NUP98: variants seen among roughly 807,000 people sequenced by gnomAD.
NUP98 encodes the protein nucleoporin 98 and 96 precursor.
In NUP98, 26 loss-of-function variants were observed where a neutral mutation model predicts 191.9. The ratio of observed to expected loss-of-function variants is 0.14; its 90% CI spans 0.10 to 0.19. The LOEUF (loss-of-function observed/expected upper bound fraction) is 0.19, where lower values mean the gene tolerates loss of function less well. Among genes scored for constraint, NUP98 ranks in the 10% least tolerant of loss-of-function variants. The pLI is 1.00. For synonymous variants in NUP98, 808 were observed against 778.4 expected, an observed-to-expected ratio of 1.04 and a Z score of -0.63; for missense variants, 1,941 against 2,178.8, an observed-to-expected ratio of 0.89 and a Z score of 2.17.
At chr11:3,792,998 C>G (rs944873755) in intron 1 of NUP98, among the ~76,000 whole-genome samples, 3 of 152,224 alleles carry the variant, frequency 2.0e-5, no homozygotes, top group South Asian at 2.1e-4. Flanking sequence ...GTAGTCCCAG[C>G]AACTCAGGAG....
At chr11:3,740,880 G>A (rs1209921926) in intron 12 of NUP98, among the ~76,000 whole-genome samples, 1 of 151,318 alleles carries the variant, frequency 6.6e-6, no homozygotes, top group African/African-American at 2.4e-5. Context: ...GTGTAGCGGC[G>A]TGACGTCGGC....
At chr11:3,748,518 C>T (rs1257556953) in intron 11 of NUP98, among the ~76,000 whole-genome samples, 1 of 152,048 alleles carries the variant, frequency 6.6e-6, no homozygotes, top group African/African-American at 2.4e-5. Flanking sequence ...AAGAGTCCAT[C>T]TTGGAAAAAA....
intron 1 of NUP98, among the ~76,000 whole-genome samples, chr11:3,789,592 T>A (rs1374979462): frequency 6.7e-6 from 1 of 148,710 alleles, no homozygotes; most frequent in Non-Finnish European, 1.5e-5. Flanking sequence ...CATGGCTCAC[T>A]GCAGCCTGGA....
intron 11 of NUP98, among the ~76,000 whole-genome samples, chr11:3,752,833 G>T (rs1036110099): frequency 6.6e-6 from 1 of 152,198 alleles, no homozygotes; most frequent in African/African-American, 2.4e-5. Context: ...CTGAAAAATA[G>T]TTGTTAACAG....
At chr11:3,785,706 T>C (rs1049994413) in intron 1 of NUP98, among the ~76,000 whole-genome samples, 1 of 151,852 alleles carries the variant, frequency 6.6e-6, no homozygotes, top group Non-Finnish European at 1.5e-5. Context: ...TTGCAGTTAG[T>C]TGAGATCGTG....
At chr11:3,793,976 T>A (rs1189066388) in intron 1 of NUP98, among the ~76,000 whole-genome samples, 3 of 151,844 alleles carry the variant, frequency 2.0e-5, no homozygotes, top group Admixed American at 6.6e-5. Flanking sequence ...TCTCAAAAAA[T>A]AAATAAATAA....
At position 3,700,785 on chromosome 11, in the gene NUP98, T is replaced by C; in HGVS notation, c.3567A>G (p.Arg1189=). The C allele has an allele frequency of 6.2e-7, 1 of 1,614,198 alleles. No individual in the cohort carries two copies. Among genetic ancestry groups the C allele is most frequent in the African/African-American group, 1.3e-5 (1 of 75,062 alleles). The change falls in exon 24 of 33, where the codon AGA becomes AGG. Residue 1189 remains arginine, a synonymous_variant. Transcript: ENST00000324932. The stretch of plus-strand genomic sequence containing the variant: ...ATAATTTCATGTCTTCATCTGGCTT[T>C]CTTTGTCTCAAACTGAGTTTTTCTA... The part of the protein sequence containing the change: ...VHLEKLSLRQ[R]KPDEDMKLYQ...
At chr11:3,789,466 C>T (rs2082259049) in intron 1 of NUP98, among the ~76,000 whole-genome samples, 1 of 151,474 alleles carries the variant, frequency 6.6e-6, no homozygotes, top group Non-Finnish European at 1.5e-5. Context: ...TCCCAACTAT[C>T]CATCTTTTTA....
At position 3,707,738 on chromosome 11, in the gene NUP98, C is replaced by CAAAA. The variant is rs560101220; in HGVS notation, c.2743-1115_2743-1112dup. On this transcript the variant is annotated intron_variant, in intron 20 of 32. Transcript: ENST00000324932. ...TGGGCAACAGAATGAGACTCTGTCT[C>CAAAA]AAAAAAAAAAAAAAAATCCTGAAGG... Among the ~76,000 whole-genome samples the CAAAA allele has an allele frequency of 2.1e-4, 10 of 48,570 alleles. 1 individual carries two copies. The highest frequency in any genetic ancestry group is 1.2e-3 in the East Asian group (1 of 806). The allele number at this position is 48,570 out of a possible 152,430, so 31.9% of individuals were successfully genotyped here.
intron 1 of NUP98, among the ~76,000 whole-genome samples, chr11:3,784,142 A>T (rs773962397): frequency 6.6e-6 from 1 of 152,034 alleles, no homozygotes; most frequent in Non-Finnish European, 1.5e-5. Context: ...CTTCTAGGAA[A>T]CTCAGGCCGT....
intron 9 of NUP98, 116 bp downstream of exon 9, chr11:3,762,786 C>T: frequency 9.9e-7 from 1 of 1,011,940 alleles, no homozygotes; most frequent in Non-Finnish European, 1.4e-6. Flanking sequence ...TCATATTAGG[C>T]TGGTGCAATA....
chr11:3,732,941 T>A (rs961356802), intron 13 of NUP98, among the ~76,000 whole-genome samples: 3 of 152,200 alleles, frequency 2.0e-5, no homozygotes, highest in African/African-American at 4.8e-5. Context: ...GCCCTACATA[T>A]CCATACAAAA....
At chr11:3,780,381 A>T (rs1311943108) in intron 2 of NUP98, among the ~76,000 whole-genome samples, 7 of 150,514 alleles carry the variant, frequency 4.7e-5, no homozygotes, top group East Asian at 3.9e-4. Context: ...ATAAAAAAAA[A>T]AAAAAAAAAA....
chr11:3,691,338 C>A lies in NUP98; in HGVS notation c.4454+9G>T. 1 of 1,614,046 alleles carries A rather than the reference C, an allele frequency of 6.2e-7. No homozygotes were observed. Among genetic ancestry groups the A allele is most frequent in the African/African-American group, 1.3e-5 (1 of 75,026 alleles). ...ACTCAAGTGACAATAAAGCCTGGCT[C>A]TCATTTACCTGTCACTGTAGAGTTT... is the stretch of plus-strand genomic sequence containing the variant. On this transcript the variant is annotated intron_variant, in intron 28 of 32. Transcript: ENST00000324932.
Position 3,776,071 on chromosome 11 carries a change from T to C in NUP98, c.356-50A>G, listed in dbSNP as rs370059435. ...ACGATAACAGTAAGAAATTTAAGAATGTATAAGATGCATTGGAATTGGGCT... is the reference window on the plus strand; with the variant it reads ...ACGATAACAGTAAGAAATTTAAGAACGTATAAGATGCATTGGAATTGGGCT... On this transcript the variant is annotated intron_variant, in intron 4 of 32. Coordinates refer to ENST00000324932, the MANE Select transcript of NUP98 (RefSeq NM_016320.5). 1.9e-5 allele frequency: 27 copies of C among 1,432,866 alleles called. No homozygotes were observed. The Admixed American group carries it at 2.5e-4, about 13-fold the overall frequency. 88.8% of individuals were successfully genotyped at this position (1,432,866 alleles called of 1,614,324 possible).
At chr11:3,744,476 T>G in intron 12 of NUP98, 33 bp downstream of exon 12, 3 of 1,570,094 alleles carry the variant, frequency 1.9e-6, no homozygotes, top group Non-Finnish European at 2.6e-6. Context: ...AGCAAAAAAT[T>G]AAGAAAAGCC....
chr11:3,697,479 A>G (rs1352645497), intron 25 of NUP98, among the ~76,000 whole-genome samples: 1 of 152,136 alleles, frequency 6.6e-6, no homozygotes, highest in Admixed American at 6.6e-5. Flanking sequence ...ATCTGATCAT[A>G]TTAGATTAAG....
Position 3,753,310 on chromosome 11 carries a change from T to C in NUP98, c.1267+6A>G. Reference sequence around the variant, plus strand: ...CTTCCTAGATCTCATGGTAGCAGTTTCTTACCTGTTCCAAATCCTGCACCA... The same window carrying C: ...CTTCCTAGATCTCATGGTAGCAGTTCCTTACCTGTTCCAAATCCTGCACCA... On this transcript the variant is annotated splice_donor_region_variant and intron_variant, in intron 11 of 32. Coordinates refer to ENST00000324932, the MANE Select transcript of NUP98 (RefSeq NM_016320.5). 3 of 1,611,644 alleles carry C rather than the reference T, an allele frequency of 1.9e-6. No homozygotes were observed. The highest frequency in any genetic ancestry group is 2.5e-6 in the Non-Finnish European group (3 of 1,177,818).
chr11:3,719,593 G>A (rs908486904), intron 17 of NUP98, 43 bp from the exon 18 acceptor site: 2 of 1,385,148 alleles, frequency 1.4e-6, no homozygotes, highest in African/African-American at 1.5e-5. Context: ...TCTGTATGAA[G>A]GCAAATACCT....
Sources: allele counts gnomAD v4.1 joint callset (sites outside exome capture counted in the v4.1 genomes callset), GRCh38; gene constraint gnomAD v4.1.1; transcripts MANE v1.5; gene names NCBI Gene and HGNC (gene_info 2026-07-23, HGNC 2026-07-21).